The following GRM5 variants were observed in gnomAD, a reference collection of about 807,000 sequenced individuals.
GRM5 encodes glutamate metabotropic receptor 5.
GRM5 carries 19 observed loss-of-function variants against 83.1 expected under a neutral mutation model. That is an observed-to-expected ratio of 0.23 (90% CI 0.16 to 0.34). The LOEUF is 0.34. Ranked by LOEUF, GRM5 falls within the 10% of genes least tolerant of loss-of-function variation. The pLI is 1.00. For synonymous variants in GRM5, 675 were observed against 633.6 expected (o/e 1.07, Z -0.98); for missense variants, 1,160 against 1,588.3 (o/e 0.73, Z 4.58).
At chr11:88,551,715 T>C (rs985448728) in intron 8 of GRM5, among the ~76,000 whole-genome samples, 5 of 152,158 alleles carry the variant, frequency 3.3e-5, no homozygotes, top group African/African-American at 9.6e-5. Flanking sequence ...CACTTCAGTG[T>C]CCTCATCAGT....
chr11:88,863,561 T>A (rs370725237), intron 2 of GRM5, among the ~76,000 whole-genome samples: 109 of 152,104 alleles, frequency 7.2e-4, no homozygotes, highest in Middle Eastern at 3.4e-3. Context: ...AGCTGAATGA[T>A]GAGAACACAT....
chr11:89,017,257 T>C (rs1292389319), intron 2 of GRM5, among the ~76,000 whole-genome samples: 3 of 152,196 alleles, frequency 2.0e-5, no homozygotes, highest in Non-Finnish European at 4.4e-5. Context: ...CTCTAGTCTG[T>C]AGCAATGCTC....
intron 3 of GRM5, among the ~76,000 whole-genome samples, chr11:88,661,402 G>A (rs1443223880): frequency 1.3e-5 from 2 of 151,946 alleles, no homozygotes; most frequent in African/African-American, 2.4e-5. Flanking sequence ...TGGTCCTCTT[G>A]TTATCTACCT....
chr11:88,821,374 A>T (rs1943791371), intron 3 of GRM5, among the ~76,000 whole-genome samples: 1 of 151,470 alleles, frequency 6.6e-6, no homozygotes, highest in East Asian at 1.9e-4. Context: ...AAAAAAGAAA[A>T]AAAAAAAAGC....
chr11:88,725,227 G>C (rs1941647946), intron 3 of GRM5, among the ~76,000 whole-genome samples: 1 of 152,132 alleles, frequency 6.6e-6, no homozygotes, highest in Non-Finnish European at 1.5e-5. Context: ...ATCAAGGCTT[G>C]AGTAGGTGGT....
chr11:88,753,415 G>A (rs1445708877), intron 3 of GRM5, among the ~76,000 whole-genome samples: 2 of 152,126 alleles, frequency 1.3e-5, no homozygotes, highest in African/African-American at 4.8e-5. Context: ...TCTCACACCA[G>A]TCAGTATGGT....
At chr11:88,992,449 G>A (rs984161397) in intron 2 of GRM5, among the ~76,000 whole-genome samples, 4 of 152,152 alleles carry the variant, frequency 2.6e-5, no homozygotes, top group Non-Finnish European at 5.9e-5. Context: ...CATTGTGGAA[G>A]TCAGTGTGGT....
intron 3 of GRM5, among the ~76,000 whole-genome samples, chr11:88,833,445 C>T (rs1319654775): frequency 6.6e-6 from 1 of 151,762 alleles, no homozygotes; most frequent in Non-Finnish European, 1.5e-5. Context: ...ATCATCACCC[C>T]AGTTAGAATG....
At chr11:88,521,494 T>A (rs796621639) in intron 9 of GRM5, among the ~76,000 whole-genome samples, 4 of 152,250 alleles carry the variant, frequency 2.6e-5, no homozygotes, top group African/African-American at 9.6e-5. Flanking sequence ...CATTCAGTGT[T>A]GAGGTTTCAG....
rs1332146839 is a variant in GRM5 at position 88,661,883 on chromosome 11, A to G, written c.912-8480T>C. 2.6e-5 allele frequency among the ~76,000 whole-genome samples: 4 copies of G among 152,154 alleles called. No homozygotes were observed. The East Asian group carries it at 7.7e-4, about 29-fold the overall frequency. On this transcript the variant is annotated intron_variant, in intron 3 of 9. Coordinates refer to ENST00000305447, the MANE Select transcript of GRM5 (RefSeq NM_001143831.3). ...GGTTCTTATGAATATACCCCAGCCA[A>G]CACTAATGAATTAATTCCAAAAAGA...
At chr11:88,811,047 A>G (rs1387019447) in intron 3 of GRM5, among the ~76,000 whole-genome samples, 2 of 152,164 alleles carry the variant, frequency 1.3e-5, no homozygotes, top group East Asian at 1.9e-4. Context: ...TCTCAGCTCT[A>G]ATATTCTAAG....
intron 2 of GRM5, among the ~76,000 whole-genome samples, chr11:88,953,147 A>G (rs1174261607): frequency 3.3e-5 from 5 of 152,238 alleles, no homozygotes; most frequent in Admixed American, 6.5e-5. Context: ...AGCCTATTAC[A>G]GTACCTTGCA....
chr11:88,926,618 T>C (rs1590970220), intron 2 of GRM5, among the ~76,000 whole-genome samples: 1 of 152,220 alleles, frequency 6.6e-6, no homozygotes, highest in African/African-American at 2.4e-5. Flanking sequence ...AATTTTCACC[T>C]GTATCTCTAC....
intron 2 of GRM5, among the ~76,000 whole-genome samples, chr11:88,979,561 GT>G (rs1939455838): frequency 1.3e-5 from 2 of 152,212 alleles, no homozygotes; most frequent in Admixed American, 1.3e-4. Context: ...TTGCTGATCT[GT>G]TTTGTGAGTA....
At chr11:88,984,608 T>G in intron 2 of GRM5, 1 of 447,292 alleles carries the variant, frequency 2.2e-6, no homozygotes, top group Admixed American at 4.2e-5. Context: ...AGAATTACCT[T>G]CCTAAATTTA....
At chr11:88,837,531 A>G (rs1657362204) in intron 3 of GRM5, among the ~76,000 whole-genome samples, 1 of 152,222 alleles carries the variant, frequency 6.6e-6, no homozygotes. Flanking sequence ...ATTTATCTAA[A>G]CAAATGTTCG....
rs556076729 is a variant in GRM5 at position 88,709,920 on chromosome 11, A to C, written c.912-56517T>G. On this transcript the variant is annotated intron_variant, in intron 3 of 9. Transcript: ENST00000305447. ...GCAGGAGGAAGTTGGAAAGAAAGCA[A>C]GTCACAGCTCTGCTGCCTACCAAGC... Among the ~76,000 whole-genome samples the C allele has an allele frequency of 8.1e-4, 124 of 152,270 alleles. 1 individual carries two copies. Among genetic ancestry groups the C allele is most frequent in the Non-Finnish European group, 1.1e-3 (73 of 67,992 alleles).
At chr11:88,863,564 G>C (rs1273972906) in intron 2 of GRM5, among the ~76,000 whole-genome samples, 1 of 151,860 alleles carries the variant, frequency 6.6e-6, no homozygotes, top group Non-Finnish European at 1.5e-5. Context: ...TGAATGATGA[G>C]AACACATGAA....
chr11:88,777,080 C>G (rs551764671), intron 3 of GRM5, among the ~76,000 whole-genome samples: 2 of 152,322 alleles, frequency 1.3e-5, no homozygotes, highest in East Asian at 3.9e-4. Flanking sequence ...GTACACCAAT[C>G]AAACGTAGAT....
Sources: allele counts gnomAD v4.1 joint callset (sites outside exome capture counted in the v4.1 genomes callset), GRCh38; gene constraint gnomAD v4.1.1; transcripts MANE v1.5; gene names NCBI Gene and HGNC (gene_info 2026-07-23, HGNC 2026-07-21).